Variants in RASA3 observed in about 807,000 individuals in gnomAD.
RASA3 encodes RAS p21 protein activator 3.
RASA3 carries 73 observed loss-of-function variants against 110.0 expected under a neutral mutation model. The observed-to-expected ratio is 0.66, with a 90% CI of 0.55 to 0.81. RASA3 has a LOEUF of 0.81. RASA3 is among the 30% of genes least tolerant of loss of function. RASA3 has a pLI of 0.00. For missense variants in RASA3, 976 were observed against 1,113.2 expected (o/e 0.88, Z 1.75); for synonymous variants, 500 against 451.4 (o/e 1.11, Z -1.37).
chr13:114,034,520 G>A (rs2054243948), intron 4 of RASA3, among the ~76,000 whole-genome samples: 3 of 152,206 alleles, frequency 2.0e-5, no homozygotes, highest in African/African-American at 7.2e-5. Flanking sequence ...ATCAGGTCCT[G>A]AGGCTGCTCC....
At chr13:114,104,444 CCCATACCCCATGA>C (rs2080106783) in intron 1 of RASA3, among the ~76,000 whole-genome samples, 1 of 152,194 alleles carries the variant, frequency 6.6e-6, no homozygotes, top group Admixed American at 6.5e-5. Flanking sequence ...CAGTCCACAG[CCCATACCCCATGA>C]CCTGTACCCA....
rs190089751 is a variant in RASA3 at position 113,994,125 on chromosome 13, T to C, written c.2142-1537A>G. ...AATTTTTTCCATACTGATTAGAAAT[T>C]GTTTCCAACTTATTTTTGTTTGAAG... is the stretch of plus-strand genomic sequence containing the variant. On this transcript the variant is annotated intron_variant, in intron 21 of 23. Transcript: ENST00000334062. 1.9e-3 allele frequency among the ~76,000 whole-genome samples: 284 copies of C among 152,372 alleles called. 9 individuals are homozygous for C. The highest frequency in any genetic ancestry group is 0.018 in the Admixed American group (282 of 15,306).
At chr13:113,999,510 C>T in intron 20 of RASA3, 75 bp downstream of exon 20, 1 of 1,221,838 alleles carries the variant, frequency 8.2e-7, no homozygotes, top group Non-Finnish European at 1.2e-6. Flanking sequence ...AGCCCAGGGC[C>T]AGGTACGGGA....
At chr13:114,076,459 C>T (rs1021548959) in intron 1 of RASA3, among the ~76,000 whole-genome samples, 20 of 152,164 alleles carry the variant, frequency 1.3e-4, no homozygotes, top group Admixed American at 2.6e-4. Flanking sequence ...ACAGGCTTTC[C>T]GAAGGCTCCC....
intron 22 of RASA3, among the ~76,000 whole-genome samples, chr13:113,982,213 CAGG>C (rs932275168): frequency 1.6e-4 from 25 of 152,242 alleles, no homozygotes; most frequent in Admixed American, 1.1e-3. Flanking sequence ...CAGCCAGAAC[CAGG>C]AGGAGAGACA....
At chr13:114,058,311 C>G (rs1404430944) in intron 2 of RASA3, among the ~76,000 whole-genome samples, 1 of 152,188 alleles carries the variant, frequency 6.6e-6, no homozygotes, top group Non-Finnish European at 1.5e-5. Context: ...TCCACGCGTC[C>G]AGCAGGAAGA....
At chr13:114,001,325 C>G (rs1177735173) in intron 18 of RASA3, among the ~76,000 whole-genome samples, 1 of 149,670 alleles carries the variant, frequency 6.7e-6, no homozygotes, top group Non-Finnish European at 1.5e-5. Flanking sequence ...CGGCCGCGGA[C>G]CTGGGATCAG....
chr13:114,081,449 T>A (rs1201630932), intron 1 of RASA3, among the ~76,000 whole-genome samples: 2 of 152,184 alleles, frequency 1.3e-5, no homozygotes, highest in Admixed American at 6.5e-5. Context: ...GCACATGCAC[T>A]CTCGTGGTTC....
intron 1 of RASA3, among the ~76,000 whole-genome samples, chr13:114,122,214 G>C (rs1250725125): frequency 6.6e-6 from 1 of 152,196 alleles, no homozygotes; most frequent in Non-Finnish European, 1.5e-5. Context: ...GGCCAGCAAG[G>C]CTTCCTGAGA....
intron 3 of RASA3, among the ~76,000 whole-genome samples, chr13:114,041,459 G>A (rs2054405099): frequency 6.6e-6 from 1 of 152,292 alleles, no homozygotes; most frequent in Non-Finnish European, 1.5e-5. Context: ...TCGCTGTGAA[G>A]GCGCGAACGT....
chr13:114,077,891 G>T (rs528863977), intron 1 of RASA3: 47 of 984,494 alleles, frequency 4.8e-5, no homozygotes, highest in Non-Finnish European at 5.2e-5. Context: ...AAAAAAAAGT[G>T]GGGGGACAAA....
chr13:114,098,420 A>T (rs2079974678), intron 1 of RASA3, among the ~76,000 whole-genome samples: 1 of 152,134 alleles, frequency 6.6e-6, no homozygotes, highest in Non-Finnish European at 1.5e-5. Flanking sequence ...CACCAGAGCC[A>T]TGGGGGAACA....
chr13:114,043,111 C>A (rs1030410886), intron 3 of RASA3, among the ~76,000 whole-genome samples: 2 of 151,188 alleles, frequency 1.3e-5, no homozygotes, highest in Non-Finnish European at 3.0e-5. Flanking sequence ...CCTGGGCCAC[C>A]AGGCCCCTCC....
In RASA3 at chr13:114,013,714, CT is replaced by C. The variant is rs1454482801; in HGVS notation, c.1406-467del. 4.5e-5 allele frequency among the ~76,000 whole-genome samples: 6 copies of C among 133,534 alleles called. 1 individual carries two copies. Among genetic ancestry groups the C allele is most frequent in the African/African-American group, 1.5e-4 (5 of 33,000 alleles). 87.6% of individuals were successfully genotyped at this position (133,534 alleles called of 152,430 possible). A position where few individuals can be genotyped will look rare whatever the true frequency, so the allele number is the denominator to read the frequency against. On this transcript the variant is annotated intron_variant, in intron 14 of 23. Transcript: ENST00000334062. ...TCTCTGTCTCTCTCTCTCTCTCCCC[CT>C]CTCTCTCTCCGTCCGTCTGTCTCTG...
chr13:114,111,575 G>T (rs113228940), intron 1 of RASA3, among the ~76,000 whole-genome samples: 8 of 141,428 alleles, frequency 5.7e-5, no homozygotes, highest in East Asian at 5.0e-4. Flanking sequence ...CGAGCTGCAG[G>T]CCGAGTTCTA....
chr13:114,042,620 G>T (rs910530876), intron 3 of RASA3, among the ~76,000 whole-genome samples: 1 of 152,218 alleles, frequency 6.6e-6, no homozygotes, highest in African/African-American at 2.4e-5. Context: ...GAGCGGCCTG[G>T]GCCTCCTACC....
chr13:114,038,048 G>T (rs574231122), intron 4 of RASA3, among the ~76,000 whole-genome samples: 1 of 149,118 alleles, frequency 6.7e-6, no homozygotes, highest in Non-Finnish European at 1.5e-5. Context: ...CCTTCCTATA[G>T]ATCTATAACC....
At chr13:114,030,500 A>G (rs61973877) in intron 4 of RASA3, among the ~76,000 whole-genome samples, 40,296 of 93,772 alleles carry the variant, frequency 0.43, 7,837 homozygotes, top group Middle Eastern at 0.53. Flanking sequence ...ACTCACACAG[A>G]GGGCAAGACT....
At position 114,115,583 on chromosome 13, in the gene RASA3, G is replaced by A. The variant is rs556599387; in HGVS notation, c.55+16852C>T. 3.9e-5 allele frequency among the ~76,000 whole-genome samples: 6 copies of A among 152,336 alleles called. No homozygotes were observed. Among genetic ancestry groups the A allele is most frequent in the Admixed American group, 3.3e-4 (5 of 15,310 alleles). On this transcript the variant is annotated intron_variant, in intron 1 of 23. Coordinates refer to ENST00000334062, the MANE Select transcript of RASA3 (RefSeq NM_007368.4). This position sits in a 1 kb window ranked among gnomAD's most constrained non-coding sequence, Gnocchi z 5.0. ...TGCAGGCCTCGAAGCAGCTGGTCAT[G>A]TCCACGCCCTCTGCAGGCCTCGTGT...
Sources: allele counts gnomAD v4.1 joint callset (sites outside exome capture counted in the v4.1 genomes callset), GRCh38; gene constraint gnomAD v4.1.1; non-coding constraint Gnocchi (gnomAD v3.1); transcripts MANE v1.5; gene names NCBI Gene and HGNC (gene_info 2026-07-23, HGNC 2026-07-21).